MORN1: variants seen among roughly 807,000 people sequenced by gnomAD.
MORN1 encodes MORN repeat containing 1.
MORN1 carries 67 observed loss-of-function variants against 61.9 expected under a neutral mutation model. That is an observed-to-expected ratio of 1.08 (90% confidence interval 0.89 to 1.33). MORN1 has a LOEUF of 1.33. Ranked by LOEUF, MORN1 falls within the 40% of genes most tolerant of loss-of-function variation. The pLI, the probability that MORN1 is intolerant of heterozygous loss-of-function variation, is 0.00. For synonymous variants in MORN1, 301 were observed against 292.0 expected (o/e 1.03, Z -0.31); for missense variants, 752 against 691.2 (o/e 1.09, Z -0.99).
At chr1:2,346,851 G>A (rs1052615172) in intron 10 of MORN1, among the ~76,000 whole-genome samples, 1 of 152,148 alleles carries the variant, frequency 6.6e-6, no homozygotes, top group Non-Finnish European at 1.5e-5. Context: ...GGTCTGCCCT[G>A]GGGAGCAGGA....
At chr1:2,369,454 C>T (rs1642070376) in intron 8 of MORN1, among the ~76,000 whole-genome samples, 1 of 150,536 alleles carries the variant, frequency 6.6e-6, no homozygotes, top group Non-Finnish European at 1.5e-5. Flanking sequence ...AATGTAAAAA[C>T]CTTGCAGCTT....
Position 2,385,686 on chromosome 1 carries a change from G to A in MORN1, c.449+121C>T, listed in dbSNP as rs191656515. 23 of 832,016 alleles carry A rather than the reference G, an allele frequency of 2.8e-5. No individual in the cohort carries two copies. In the Admixed American group the frequency reaches 4.1e-4, roughly 15 times the overall value. 51.5% of individuals were successfully genotyped at this position (832,016 alleles called of 1,614,324 possible). ...TGGGGGGGTGGCGGGTAGACAGCAG[G>A]GGCCGGAACAGGCCCGGGGTGTCCC... On this transcript the variant is annotated intron_variant, in intron 5 of 13. Transcript: ENST00000378531.
Position 2,321,489 on chromosome 1 carries a change from G to T in MORN1, c.1388C>A (p.Ala463Glu). Residue 463 changes from alanine to glutamate, a missense_variant, in exon 14 of 14, where the codon GCG becomes GAG. By Grantham distance (107) the Ala-to-Glu change is moderately radical. Transcript: ENST00000378531. ...ATGGGGTGGCTGGCCAGCCCTCTTC[G>T]CTACGACCCGCAGGTGTTTGAAGGC... is the stretch of plus-strand genomic sequence containing the variant. The part of the protein sequence containing the change: ...PPAFKHLRVV[A>E]KRAGQPPHVL... The T allele has an allele frequency of 6.5e-7, 1 of 1,527,592 alleles. No individual in the cohort carries two copies. Among genetic ancestry groups the T allele is most frequent in the Non-Finnish European group, 8.8e-7 (1 of 1,137,258 alleles). 94.6% of individuals were successfully genotyped at this position (1,527,592 alleles called of 1,614,324 possible). A position where few individuals can be genotyped will look rare whatever the true frequency, so the allele number is the denominator to read the frequency against.
rs368477124 is a variant in MORN1 at position 2,383,732 on chromosome 1, G to A, written c.537+1246C>T. On this transcript the variant is annotated intron_variant, in intron 6 of 13. Coordinates refer to ENST00000378531, the MANE Select transcript of MORN1 (RefSeq NM_024848.3). ...CTGGACGCTCAGGGGGCCCCTCACA[G>A]CCCTTGCAGTCATGGTCATCTTCGT... Among the ~76,000 whole-genome samples the A allele has an allele frequency of 3.4e-4, 52 of 152,326 alleles. No homozygotes were observed. In the South Asian group the frequency reaches 9.9e-3, roughly 29 times the overall value.
chr1:2,386,220 C>T (rs1642495110), intron 4 of MORN1: 9 of 360,266 alleles, frequency 2.5e-5, no homozygotes, highest in South Asian at 2.1e-4. Context: ...TGAGGCTGCA[C>T]AGGCTCTGCG....
intron 10 of MORN1, among the ~76,000 whole-genome samples, chr1:2,356,066 C>G (rs1408565553): frequency 6.6e-6 from 1 of 152,204 alleles, no homozygotes; most frequent in Non-Finnish European, 1.5e-5. Flanking sequence ...GTGCGGCAGC[C>G]AGGTCGGGGG....
chr1:2,388,093 C>A, intron 3 of MORN1, 146 bp downstream of exon 3: 1 of 633,186 alleles, frequency 1.6e-6, no homozygotes, highest in Non-Finnish European at 2.8e-6. Context: ...TCAGTCAGGT[C>A]CCCAGGGCTT....
At chr1:2,387,804 G>A in intron 3 of MORN1, 1 of 480,154 alleles carries the variant, frequency 2.1e-6, no homozygotes, top group Non-Finnish European at 3.8e-6. Context: ...GCAGGGTGAA[G>A]GGTGAGGTTT....
chr1:2,369,307 T>C (rs1642064439), intron 8 of MORN1, among the ~76,000 whole-genome samples: 1 of 149,060 alleles, frequency 6.7e-6, no homozygotes, highest in South Asian at 2.1e-4. Flanking sequence ...TGAGCCGAGA[T>C]TGAGCCACTG....
intron 8 of MORN1, among the ~76,000 whole-genome samples, chr1:2,368,204 G>C (rs1350158266): frequency 6.6e-6 from 1 of 152,228 alleles, no homozygotes. Flanking sequence ...TGCAGAGCAG[G>C]TGAGCTCTAC....
intron 12 of MORN1, among the ~76,000 whole-genome samples, chr1:2,335,773 G>C (rs1179274639): frequency 6.7e-6 from 1 of 149,926 alleles, no homozygotes; most frequent in Non-Finnish European, 1.5e-5. Flanking sequence ...GGGGCCAGGC[G>C]AGGGCTGGTG....
rs1049410604 is a variant in MORN1, at chr1:2,372,603, C to A, written c.635-12G>T. The A allele has an allele frequency of 2.5e-6, 4 of 1,606,164 alleles. No individual in the cohort carries two copies. In the Admixed American group the frequency reaches 6.8e-5, roughly 27 times the overall value. On this transcript the variant is annotated splice_polypyrimidine_tract_variant and intron_variant, in intron 7 of 13. Transcript: ENST00000378531. This position sits in a 1 kb window ranked among gnomAD's most constrained non-coding sequence, Gnocchi z 5.4. ...CCTCGTAGCTTGTTCTGGGAGAGGA[C>A]AGAGTGTGGCTTTAGCGGTGACTGG...
chr1:2,373,138 C>T (rs145355022), intron 7 of MORN1, among the ~76,000 whole-genome samples: 71 of 152,290 alleles, frequency 4.7e-4, no homozygotes, highest in Admixed American at 1.5e-3. Flanking sequence ...ACCGCCCCTG[C>T]CCCCACCTGC....
intron 12 of MORN1, among the ~76,000 whole-genome samples, chr1:2,329,223 C>T (rs1641097250): frequency 6.6e-6 from 1 of 152,178 alleles, no homozygotes; most frequent in Non-Finnish European, 1.5e-5. Context: ...ATTCCACATC[C>T]CCGCTGAGCG....
At chr1:2,344,697 G>A (rs1165660967) in intron 10 of MORN1, among the ~76,000 whole-genome samples, 1 of 152,178 alleles carries the variant, frequency 6.6e-6, no homozygotes, top group Non-Finnish European at 1.5e-5. Flanking sequence ...GGGCCCGGCC[G>A]CCCCAGTGGG....
chr1:2,324,982 G>A (rs920808747), intron 12 of MORN1, among the ~76,000 whole-genome samples: 6 of 137,638 alleles, frequency 4.4e-5, no homozygotes, highest in Admixed American at 1.4e-4. Flanking sequence ...AGCTGGGCCC[G>A]GCAGGTGCCT....
intron 10 of MORN1, among the ~76,000 whole-genome samples, chr1:2,347,458 A>G (rs1356018996): frequency 2.6e-5 from 4 of 152,146 alleles, no homozygotes; most frequent in African/African-American, 9.7e-5. Context: ...GGCTGTCTCC[A>G]GGGGACACCA....
chr1:2,379,537 T>C (rs1474611045), intron 6 of MORN1, among the ~76,000 whole-genome samples: 1 of 151,872 alleles, frequency 6.6e-6, no homozygotes, highest in Non-Finnish European at 1.5e-5. Flanking sequence ...GCACCAAACA[T>C]GGTGAGGGGC....
rs1012095842 is a variant in MORN1, at chr1:2,326,889, C to T, written c.1251-2746G>A. ...GGATCAGGGTGAAGACACAGCGACC[C>T]GGGCCTCACCCAGGGTCTGTGTGTG... On this transcript the variant is annotated intron_variant, in intron 12 of 13. Transcript: ENST00000378531. Among the ~76,000 whole-genome samples the T allele has an allele frequency of 5.3e-5, 8 of 152,338 alleles. 1 individual carries two copies. The South Asian group carries it at 6.2e-4, about 12-fold the overall frequency.
Sources: allele counts gnomAD v4.1 joint callset (sites outside exome capture counted in the v4.1 genomes callset), GRCh38; gene constraint gnomAD v4.1.1; non-coding constraint Gnocchi (gnomAD v3.1); transcripts MANE v1.5; gene names NCBI Gene and HGNC (gene_info 2026-07-23, HGNC 2026-07-21).